NFIB: variants seen among roughly 807,000 people sequenced by gnomAD.
NFIB encodes the protein nuclear factor 1 B-type.
NFIB carries 11 observed loss-of-function variants against 61.5 expected under a neutral mutation model. The observed-to-expected ratio is 0.18, with a 90% CI of 0.11 to 0.30. The LOEUF is 0.30. NFIB is among the 10% of genes least tolerant of loss of function. The pLI is 1.00. For synonymous variants in NFIB, 260 were observed against 216.5 expected (o/e 1.20, Z -1.76); for missense variants, 471 against 608.9 (o/e 0.77, Z 2.38).
intron 1 of NFIB, among the ~76,000 whole-genome samples, chr9:14,364,879 G>C (rs78647636): frequency 6.6e-6 from 1 of 152,300 alleles, no homozygotes; most frequent in East Asian, 1.9e-4. Context: ...AGAGAGATGA[G>C]AGGGTAATGG....
chr9:14,261,074 T>C (rs907086288), intron 2 of NFIB, among the ~76,000 whole-genome samples: 2 of 152,340 alleles, frequency 1.3e-5, no homozygotes, highest in South Asian at 2.1e-4. Context: ...CCCAGCTCTT[T>C]GGGAGGCCGA....
intron 6 of NFIB, among the ~76,000 whole-genome samples, chr9:14,142,673 T>G (rs1477018972): frequency 6.6e-6 from 1 of 152,170 alleles, no homozygotes; most frequent in Non-Finnish European, 1.5e-5. Flanking sequence ...GACAAGATCT[T>G]AATGGAATTT....
chr9:14,331,175 TGC>T (rs1460061270), intron 1 of NFIB, among the ~76,000 whole-genome samples: 1 of 152,186 alleles, frequency 6.6e-6, no homozygotes, highest in African/African-American at 2.4e-5. Flanking sequence ...TTCCGCCCTG[TGC>T]TCAGTACTGT....
chr9:14,503,086 T>C, the NFIB span, among the ~76,000 whole-genome samples: 1 of 122,980 alleles, frequency 8.1e-6, no homozygotes, highest in Non-Finnish European at 1.7e-5. Context: ...TAGTATTTTA[T>C]GGTATATATA....
At chr9:14,432,976 G>T in the NFIB span, among the ~76,000 whole-genome samples, 1 of 152,080 alleles carries the variant, frequency 6.6e-6, no homozygotes, top group African/African-American at 2.4e-5. Flanking sequence ...ATTTTTATTT[G>T]AAAATATTTT....
At chr9:14,152,609 A>G (rs2042984983) in intron 4 of NFIB, among the ~76,000 whole-genome samples, 1 of 152,142 alleles carries the variant, frequency 6.6e-6, no homozygotes, top group African/African-American at 2.4e-5. Context: ...TGCAATATTT[A>G]GGCAAAGATT....
At chr9:14,174,448 G>A (rs1230806393) in intron 3 of NFIB, among the ~76,000 whole-genome samples, 2 of 152,136 alleles carry the variant, frequency 1.3e-5, no homozygotes, top group African/African-American at 4.8e-5. Context: ...ATGAGGACAT[G>A]AGAAGGAATA....
the NFIB span, among the ~76,000 whole-genome samples, chr9:14,475,166 T>G: frequency 6.6e-6 from 1 of 152,290 alleles, no homozygotes; most frequent in East Asian, 1.9e-4. Flanking sequence ...CATAAAATCT[T>G]GTGAAGATAC....
At chr9:14,494,122 G>C in the NFIB span, among the ~76,000 whole-genome samples, 1 of 152,098 alleles carries the variant, frequency 6.6e-6, no homozygotes, top group Non-Finnish European at 1.5e-5. Flanking sequence ...ATGTTGGAGT[G>C]GAATTCACAT....
rs57014530 is a variant in NFIB, at chr9:14,134,897, C to CAAAAAAA, written c.926-9138_926-9132dup. ...TGGGTGACAGGGCGAGACTCTGTCTCAAAAAAAAAAAAAAAAAAAAAAAGG... is the reference window on the plus strand; with the variant it reads ...TGGGTGACAGGGCGAGACTCTGTCTCAAAAAAAAAAAAAAAAAAAAAAAAAAAAAAGG... On this transcript the variant is annotated intron_variant, in intron 6 of 10. Transcript: ENST00000380953. Among the ~76,000 whole-genome samples the CAAAAAAA allele has an allele frequency of 8.7e-4, 56 of 64,324 alleles. 1 individual carries two copies. The highest frequency in any genetic ancestry group is 2.5e-3 in the African/African-American group (53 of 21,554). The allele number at this position is 64,324 out of a possible 152,430, so 42.2% of individuals were successfully genotyped here.
intron 1 of NFIB, among the ~76,000 whole-genome samples, chr9:14,324,123 T>G (rs2060723945): frequency 6.6e-6 from 1 of 152,182 alleles, no homozygotes; most frequent in Admixed American, 6.5e-5. Context: ...GAAAATTAAT[T>G]TTTAATGTTT....
At chr9:14,398,049 T>C (rs1048696406) in intron 1 of NFIB, among the ~76,000 whole-genome samples, 1 of 152,170 alleles carries the variant, frequency 6.6e-6, no homozygotes, top group Non-Finnish European at 1.5e-5. Context: ...TCCCATACTA[T>C]TGAGTTATAT....
Position 14,125,650 on chromosome 9 carries a change from G to A in NFIB, c.1042C>T (p.Pro348Ser), listed in dbSNP as rs765948393. Residue 348 changes from proline (P) to serine (S), a missense_variant, in exon 7 of 11, where the codon CCT becomes TCT. Pro to Ser is a moderately conservative substitution (Grantham distance 74, BLOSUM62 -1). Around this residue, in one of 2 missense-constraint regions of NFIB, gnomAD observed 372 missense variants for 395.6 expected, o/e 0.94. Transcript: ENST00000380953. Reference sequence around the variant, plus strand: ...TCCTCACCACTGTGTGCAACTCCAGGTATTCCGGGATGGTGGTGCTGGGGG... The same window carrying A: ...TCCTCACCACTGTGTGCAACTCCAGATATTCCGGGATGGTGGTGCTGGGGG... ...TFPQHHHPGI[P>S]GVAHSVISTR... is the part of the protein sequence containing the mutation. 1 of 1,614,134 alleles carries A rather than the reference G, an allele frequency of 6.2e-7. No homozygotes were observed. The highest frequency in any genetic ancestry group is 8.5e-7 in the Non-Finnish European group (1 of 1,180,004).
chr9:14,434,508 T>A, the NFIB span, among the ~76,000 whole-genome samples: 2 of 152,198 alleles, frequency 1.3e-5, no homozygotes, highest in Non-Finnish European at 2.9e-5. Flanking sequence ...TCAAAAAGAC[T>A]TGCTTTTCCT....
the NFIB span, among the ~76,000 whole-genome samples, chr9:14,453,002 T>C: frequency 3.3e-5 from 5 of 152,334 alleles, no homozygotes; most frequent in East Asian, 9.7e-4. Context: ...TCCACTTTGA[T>C]TGCTTTGTAA....
At chr9:14,471,736 C>T in the NFIB span, among the ~76,000 whole-genome samples, 17 of 152,138 alleles carry the variant, frequency 1.1e-4, no homozygotes, top group South Asian at 2.1e-4. Flanking sequence ...GGAACTCATC[C>T]GGGAAGTTTA....
intron 1 of NFIB, among the ~76,000 whole-genome samples, chr9:14,348,482 T>C (rs753436438): frequency 2.6e-5 from 4 of 152,212 alleles, no homozygotes; most frequent in Non-Finnish European, 5.9e-5. Context: ...TTATTTAAAG[T>C]GACTCCCAGA....
chr9:14,329,066 T>C (rs963340470), intron 1 of NFIB, among the ~76,000 whole-genome samples: 1 of 152,194 alleles, frequency 6.6e-6, no homozygotes, highest in Non-Finnish European at 1.5e-5. Context: ...CTTTGCCCCT[T>C]CTTGTATCAT....
intron 1 of NFIB, among the ~76,000 whole-genome samples, chr9:14,358,345 A>T (rs1217938141): frequency 6.6e-6 from 1 of 152,110 alleles, no homozygotes; most frequent in Non-Finnish European, 1.5e-5. Context: ...ACATTTTCTG[A>T]GCACAATCAC....
Sources: gnomAD v4.1 joint callset for allele counts (sites outside exome capture counted in the v4.1 genomes callset) on GRCh38, gnomAD v4.1.1 for gene constraint, gnomAD v4.1.1 regional missense constraint, MANE v1.5 for transcripts, NCBI Gene and HGNC (gene_info 2026-07-23, HGNC 2026-07-21) for gene names.